Variants in EIPR1 observed in about 807,000 individuals in gnomAD.
EIPR1 encodes EARP complex and GARP complex interacting protein 1, also known as EARP and GARP complex-interacting protein 1.
In EIPR1, 25 loss-of-function variants were observed where a neutral mutation model predicts 48.1. The observed-to-expected ratio is 0.52, with a 90% CI of 0.38 to 0.73. The LOEUF (loss-of-function observed/expected upper bound fraction) is 0.73, where lower values mean the gene tolerates loss of function less well. Among genes scored for constraint, EIPR1 ranks in the 30% least tolerant of loss-of-function variants. The pLI is 0.00. For missense variants in EIPR1, 415 were observed against 506.2 expected, an observed-to-expected ratio of 0.82 and a Z score of 1.73; for synonymous variants, 204 against 201.9, an observed-to-expected ratio of 1.01 and a Z score of -0.09.
At chr2:3,288,372 T>C (rs1449312969) in intron 3 of EIPR1, among the ~76,000 whole-genome samples, 1 of 152,210 alleles carries the variant, frequency 6.6e-6, no homozygotes, top group Non-Finnish European at 1.5e-5. Context: ...TCTTCGAAAG[T>C]GACCACAGGG....
At position 3,315,065 on chromosome 2, in the gene EIPR1, C is replaced by A. The variant is rs571963304; in HGVS notation, c.259+22952G>T. Among the ~76,000 whole-genome samples, 11 of 139,394 alleles carry A rather than the reference C, an allele frequency of 7.9e-5. No homozygotes were observed. In the South Asian group the frequency reaches 2.6e-3, roughly 33 times the overall value. 91.4% of individuals were successfully genotyped at this position (139,394 alleles called of 152,430 possible). On this transcript the variant is annotated intron_variant, in intron 3 of 8. Transcript: ENST00000382125. ...CCGCCACCCGCCCCCAACACCTGTA[C>A]CCCACCACAGTCATCACCACCGCCA... is the stretch of plus-strand genomic sequence containing the variant.
intron 4 of EIPR1, among the ~76,000 whole-genome samples, chr2:3,254,538 C>T (rs1444343307): frequency 6.6e-6 from 1 of 152,162 alleles, no homozygotes; most frequent in African/African-American, 2.4e-5. Context: ...GGCTGGAACC[C>T]AAACTTGAAA....
At chr2:3,313,055 G>A (rs1388893391) in intron 3 of EIPR1, among the ~76,000 whole-genome samples, 2 of 152,220 alleles carry the variant, frequency 1.3e-5, no homozygotes, top group Non-Finnish European at 2.9e-5. Context: ...GGTACAGGAC[G>A]TATATTACCT....
chr2:3,329,241 GC>G (rs1558302177), intron 3 of EIPR1, among the ~76,000 whole-genome samples: 1 of 112,904 alleles, frequency 8.9e-6, no homozygotes, highest in East Asian at 4.1e-4. Context: ...TGATCTCAGG[GC>G]ACCAGCTGGG....
chr2:3,352,611 G>T (rs182347255), intron 2 of EIPR1, among the ~76,000 whole-genome samples: 8 of 152,390 alleles, frequency 5.2e-5, no homozygotes, highest in Non-Finnish European at 1.0e-4. Flanking sequence ...CTGAAGGTCA[G>T]TAATAGCCTA....
intron 3 of EIPR1, among the ~76,000 whole-genome samples, chr2:3,317,172 G>A (rs1266360232): frequency 1.4e-5 from 2 of 146,488 alleles, no homozygotes; most frequent in African/African-American, 5.1e-5. Flanking sequence ...CCAAGCTGAG[G>A]GCCTACTGTG....
chr2:3,269,809 G>C (rs1452157110), intron 3 of EIPR1, among the ~76,000 whole-genome samples: 1 of 152,222 alleles, frequency 6.6e-6, no homozygotes, highest in Non-Finnish European at 1.5e-5. Context: ...TGAGGCACAG[G>C]CAGATGGCAC....
chr2:3,341,850 G>A (rs1305544187), intron 2 of EIPR1, among the ~76,000 whole-genome samples: 2 of 152,118 alleles, frequency 1.3e-5, no homozygotes, highest in Admixed American at 6.5e-5. Context: ...CTTACAGGCA[G>A]AAACGCATTA....
At chr2:3,365,601 G>T (rs1159799224) in intron 1 of EIPR1, among the ~76,000 whole-genome samples, 8 of 150,828 alleles carry the variant, frequency 5.3e-5, no homozygotes, top group Middle Eastern at 3.4e-3. Flanking sequence ...GTGAACAAAG[G>T]TCTCTGGTTT....
chr2:3,243,759 C>T (rs1326998622), intron 4 of EIPR1, among the ~76,000 whole-genome samples: 4 of 152,202 alleles, frequency 2.6e-5, no homozygotes, highest in African/African-American at 9.7e-5. Context: ...CCCAGCCCTC[C>T]ATTCCTCAAA....
intron 4 of EIPR1, among the ~76,000 whole-genome samples, chr2:3,244,253 G>A (rs1666728179): frequency 6.6e-6 from 1 of 152,114 alleles, no homozygotes; most frequent in Non-Finnish European, 1.5e-5. Flanking sequence ...ACAGCAGTTT[G>A]GTCTCCTTTT....
intron 3 of EIPR1, chr2:3,261,677 C>T (rs1477993494): frequency 6.6e-6 from 1 of 152,196 alleles, no homozygotes; most frequent in African/African-American, 2.4e-5. Context: ...ATGGGGATGC[C>T]AGGTGATAAG....
intron 5 of EIPR1, among the ~76,000 whole-genome samples, chr2:3,204,134 T>C (rs1222389657): frequency 1.3e-5 from 2 of 152,228 alleles, no homozygotes; most frequent in Non-Finnish European, 2.9e-5. Context: ...GGGGAGACCC[T>C]GATGGATCTC....
chr2:3,202,824 A>C (rs1466822860), intron 5 of EIPR1, among the ~76,000 whole-genome samples: 2 of 152,372 alleles, frequency 1.3e-5, no homozygotes, highest in Non-Finnish European at 1.5e-5. Context: ...CCTTCAGCTT[A>C]AGGACTCGTC....
chr2:3,213,649 C>T (rs1048019097), intron 5 of EIPR1, among the ~76,000 whole-genome samples: 5 of 152,190 alleles, frequency 3.3e-5, no homozygotes, highest in Non-Finnish European at 7.3e-5. Flanking sequence ...CAGCAAAACG[C>T]AGATGTTTTG....
intron 3 of EIPR1, among the ~76,000 whole-genome samples, chr2:3,317,439 C>T (rs1028137976): frequency 2.0e-5 from 3 of 152,020 alleles, no homozygotes; most frequent in Admixed American, 1.3e-4. Flanking sequence ...GCCCTGGGAG[C>T]GCATGAGGCA....
intron 5 of EIPR1, among the ~76,000 whole-genome samples, chr2:3,199,613 C>G (rs1664942084): frequency 6.6e-6 from 1 of 152,178 alleles, no homozygotes; most frequent in Non-Finnish European, 1.5e-5. Flanking sequence ...CATATCTGGG[C>G]AGAAGCGAGG....
chr2:3,200,949 C>T (rs1040741619), intron 5 of EIPR1, among the ~76,000 whole-genome samples: 4 of 152,128 alleles, frequency 2.6e-5, no homozygotes, highest in Admixed American at 6.5e-5. Context: ...CTGGGCACTC[C>T]GCATGGTGAC....
intron 1 of EIPR1, among the ~76,000 whole-genome samples, chr2:3,365,344 G>A (rs1269252248): frequency 6.6e-6 from 1 of 152,130 alleles, no homozygotes; most frequent in African/African-American, 2.4e-5. Context: ...AAATGAGCTA[G>A]GCTTGTAGTC....
Sources: allele counts gnomAD v4.1 joint callset (sites outside exome capture counted in the v4.1 genomes callset), GRCh38; gene constraint gnomAD v4.1.1; transcripts MANE v1.5; gene names NCBI Gene and HGNC (gene_info 2026-07-23, HGNC 2026-07-21).